The following UGT1A10 variants were observed in gnomAD, a reference collection of about 807,000 sequenced individuals.
UGT1A10 encodes UDP-glucuronosyltransferase 1A10.
Under a neutral mutation model 45.8 loss-of-function variants are expected in UGT1A10, and 49 were observed. The ratio of observed to expected loss-of-function variants is 1.07; its 90% CI spans 0.85 to 1.36. The LOEUF (loss-of-function observed/expected upper bound fraction) is 1.36. Among genes scored for constraint, UGT1A10 ranks in the 40% most tolerant of loss-of-function variants. The pLI is 0.00. For missense variants in UGT1A10, 745 were observed against 668.6 expected (o/e 1.11, Z -1.26); for synonymous variants, 284 against 249.7 (o/e 1.14, Z -1.29).
chr2:233,673,129 T>G (rs2074251628), intron 1 of UGT1A10, among the ~76,000 whole-genome samples: 3 of 152,208 alleles, frequency 2.0e-5, no homozygotes, highest in East Asian at 3.8e-4. Flanking sequence ...GGTCTTAGTT[T>G]TGTGAACATT....
At chr2:233,676,674 C>T (rs1230120376) in intron 1 of UGT1A10, among the ~76,000 whole-genome samples, 5 of 152,114 alleles carry the variant, frequency 3.3e-5, no homozygotes, top group African/African-American at 1.2e-4. Context: ...TCGAGCAGTC[C>T]TAGTCAGGTG....
intron 1 of UGT1A10, among the ~76,000 whole-genome samples, chr2:233,733,511 G>A (rs181008705): frequency 9.2e-5 from 14 of 152,226 alleles, no homozygotes; most frequent in Admixed American, 6.5e-4. Context: ...CCAGTTTTAG[G>A]CATGAAGGGA....
At chr2:233,658,418 A>T (rs1254018889) in intron 1 of UGT1A10, among the ~76,000 whole-genome samples, 2 of 152,196 alleles carry the variant, frequency 1.3e-5, no homozygotes, top group African/African-American at 2.4e-5. Context: ...TTCTCTGCAG[A>T]TGTCATTAAT....
At chr2:233,708,804 C>G (rs1422792473) in intron 1 of UGT1A10, 1 of 151,436 alleles carries the variant, frequency 6.6e-6, no homozygotes, top group Non-Finnish European at 1.5e-5. Context: ...ATTTGGGCAA[C>G]TTCCCCAAAT....
At chr2:233,699,625 C>T (rs1308666244) in intron 1 of UGT1A10, among the ~76,000 whole-genome samples, 1 of 152,194 alleles carries the variant, frequency 6.6e-6, no homozygotes, top group Non-Finnish European at 1.5e-5. Flanking sequence ...AGAATGCAAG[C>T]TCAGGCCTAG....
chr2:233,637,435 G>T (rs896238678), intron 1 of UGT1A10, 58 bp downstream of exon 1: 30 of 1,543,034 alleles, frequency 1.9e-5, no homozygotes, highest in Non-Finnish European at 2.6e-5. Context: ...ATTAAAAAAG[G>T]ATTCCTTACT....
chr2:233,663,141 C>A (rs530934811), intron 1 of UGT1A10, among the ~76,000 whole-genome samples: 14 of 152,250 alleles, frequency 9.2e-5, no homozygotes, highest in African/African-American at 3.4e-4. Flanking sequence ...TTGCCCATTC[C>A]CCTCTCCTCC....
chr2:233,658,326 T>C (rs2073898759), intron 1 of UGT1A10, among the ~76,000 whole-genome samples: 1 of 152,184 alleles, frequency 6.6e-6, no homozygotes, highest in Non-Finnish European at 1.5e-5. Flanking sequence ...TCCTCCCCTA[T>C]GGTTAAATGT....
intron 1 of UGT1A10, chr2:233,747,491 G>T: frequency 6.2e-7 from 1 of 1,608,968 alleles, no homozygotes; most frequent in Non-Finnish European, 8.5e-7. Context: ...ATCGCCTTGT[G>T]CTGGGCCACA....
At chr2:233,740,454 A>T (rs1319736893) in intron 1 of UGT1A10, among the ~76,000 whole-genome samples, 4 of 151,980 alleles carry the variant, frequency 2.6e-5, no homozygotes, top group Admixed American at 2.0e-4. Flanking sequence ...GAGGAGAAGA[A>T]GATGATGGAC....
chr2:233,756,399 T>G (rs189386635), intron 1 of UGT1A10: 1 of 152,208 alleles, frequency 6.6e-6, no homozygotes. Flanking sequence ...CAGTATTGGT[T>G]TTTTATTTGT....
At chr2:233,644,148 T>C (rs1167040340) in intron 1 of UGT1A10, among the ~76,000 whole-genome samples, 1 of 152,214 alleles carries the variant, frequency 6.6e-6, no homozygotes, top group African/African-American at 2.4e-5. Context: ...GCAATCTTTA[T>C]GGACTAGACT....
At chr2:233,728,809 T>G (rs2077752579) in intron 1 of UGT1A10, among the ~76,000 whole-genome samples, 1 of 152,110 alleles carries the variant, frequency 6.6e-6, no homozygotes, top group African/African-American at 2.4e-5. Flanking sequence ...TAGGAGACAG[T>G]GACATGAAAT....
In UGT1A10 at chr2:233,769,317, C is replaced by T. The variant is rs1699835455; in HGVS notation, c.1295+878C>T. On this transcript the variant is annotated intron_variant, in intron 4 of 4. Transcript: ENST00000344644. The surrounding 1 kb of genome is among the most constrained non-coding windows in gnomAD (Gnocchi z 4.4). ...AGTTAGTATATTACTGTCAAGCTCA[C>T]TGGTAATAGGCTTATTAGAACCTTA... is the stretch of plus-strand genomic sequence containing the variant. Among the ~76,000 whole-genome samples, 1 of 152,214 alleles carries T rather than the reference C, an allele frequency of 6.6e-6. No individual in the cohort carries two copies. The highest frequency in any genetic ancestry group is 1.5e-5 in the Non-Finnish European group (1 of 68,028).
chr2:233,762,970 T>A (rs916138811), intron 1 of UGT1A10, among the ~76,000 whole-genome samples: 1 of 152,240 alleles, frequency 6.6e-6, no homozygotes, highest in South Asian at 2.1e-4. Context: ...GATGCCCGTC[T>A]TGCTGCTATT....
intron 1 of UGT1A10, among the ~76,000 whole-genome samples, chr2:233,649,251 A>G (rs1310458931): frequency 6.6e-6 from 1 of 152,184 alleles, no homozygotes; most frequent in Non-Finnish European, 1.5e-5. Flanking sequence ...CATAATTTCC[A>G]CTGCATTTTT....
At chr2:233,712,073 A>G (rs2076213454) in intron 1 of UGT1A10, among the ~76,000 whole-genome samples, 2 of 152,256 alleles carry the variant, frequency 1.3e-5, no homozygotes, top group African/African-American at 4.8e-5. Context: ...TCAGGATGAA[A>G]TAAAGGCCTG....
At chr2:233,718,910 G>A (rs760663679) in intron 1 of UGT1A10, 1 of 1,613,956 alleles carries the variant, frequency 6.2e-7, no homozygotes, top group Non-Finnish European at 8.5e-7. Context: ...AGAGTGGAAA[G>A]GTGTTGGTGG....
intron 1 of UGT1A10, among the ~76,000 whole-genome samples, chr2:233,661,143 G>T (rs951324995): frequency 1.3e-5 from 2 of 150,814 alleles, no homozygotes; most frequent in African/African-American, 2.4e-5. Context: ...ATTATCTATG[G>T]ATGTAATGAC....
Sources: gnomAD v4.1 joint callset for allele counts (sites outside exome capture counted in the v4.1 genomes callset) on GRCh38, gnomAD v4.1.1 for gene constraint, Gnocchi (gnomAD v3.1) non-coding constraint, MANE v1.5 for transcripts, NCBI Gene and HGNC (gene_info 2026-07-23, HGNC 2026-07-21) for gene names.